Variants in TMEM132D observed in about 807,000 individuals in gnomAD.
TMEM132D encodes transmembrane protein 132D, also known as mature OL transmembrane protein.
In TMEM132D, 21 loss-of-function variants were observed where a neutral mutation model predicts 62.3. The ratio of observed to expected loss-of-function variants is 0.34; its 90% confidence interval spans 0.24 to 0.49. TMEM132D has a LOEUF of 0.49. Ranked by LOEUF, TMEM132D falls within the 20% of genes least tolerant of loss-of-function variation. The pLI is 0.99. For missense variants in TMEM132D, 1,346 were observed against 1,402.8 expected (o/e 0.96, Z 0.65); for synonymous variants, 621 against 575.6 (o/e 1.08, Z -1.13).
intron 3 of TMEM132D, among the ~76,000 whole-genome samples, chr12:129,453,534 T>C (rs1873370039): frequency 6.6e-6 from 1 of 152,152 alleles, no homozygotes; most frequent in Non-Finnish European, 1.5e-5. Flanking sequence ...TATACAGGGA[T>C]TTATTGACAT....
At position 129,072,153 on chromosome 12, in the gene TMEM132D, TGGAGAGGAAGCA is replaced by T. The variant is rs1874088121; in HGVS notation, c.*1710_*1721del. 1 of 136,730 alleles carries T rather than the reference TGGAGAGGAAGCA, an allele frequency of 7.3e-6. No individual in the cohort carries two copies. The highest frequency in any genetic ancestry group is 2.8e-5 in the African/African-American group (1 of 35,626). 8.5% of individuals were successfully genotyped at this position (136,730 alleles called of 1,614,324 possible). A position where few individuals can be genotyped will look rare whatever the true frequency, so the allele number is the denominator to read the frequency against. ...CACACTCAAAATTACAGAGATGAGA[TGGAGAGGAAGCA>T]GGGAGAAGATAGGTTCAAAGGAGGA... On this transcript the variant is annotated 3_prime_UTR_variant, in exon 9 of 9. Coordinates refer to ENST00000422113, the MANE Select transcript of TMEM132D (RefSeq NM_133448.3).
At chr12:129,285,831 T>C (rs1404586157) in intron 4 of TMEM132D, among the ~76,000 whole-genome samples, 1 of 152,176 alleles carries the variant, frequency 6.6e-6, no homozygotes, top group Non-Finnish European at 1.5e-5. Flanking sequence ...CCCCAGTAGT[T>C]TCTCCATTCC....
chr12:129,756,492 AAGT>A (rs1870172676), intron 1 of TMEM132D, among the ~76,000 whole-genome samples: 1 of 152,178 alleles, frequency 6.6e-6, no homozygotes, highest in Non-Finnish European at 1.5e-5. Flanking sequence ...TGCAGACAGA[AAGT>A]AGCATGGCAG....
intron 4 of TMEM132D, among the ~76,000 whole-genome samples, chr12:129,289,102 A>T (rs1178153646): frequency 2.0e-5 from 3 of 152,076 alleles, no homozygotes; most frequent in Admixed American, 6.5e-5. Flanking sequence ...GGATGGGGGT[A>T]TCGGGGGGAA....
At chr12:129,896,837 G>A in intron 1 of TMEM132D, among the ~76,000 whole-genome samples, 1 of 152,080 alleles carries the variant, frequency 6.6e-6, no homozygotes. Context: ...CTTAAGGGAG[G>A]AGAAGTGGCT....
intron 1 of TMEM132D, among the ~76,000 whole-genome samples, chr12:129,797,283 T>A (rs1303096319): frequency 1.3e-5 from 2 of 152,210 alleles, no homozygotes. Flanking sequence ...CAGTTACCTG[T>A]TTCCTGTGAA....
rs372303626 is a variant in TMEM132D at position 129,112,389 on chromosome 12, C to T, written c.1444-27687G>A. On this transcript the variant is annotated intron_variant, in intron 5 of 8. Coordinates refer to ENST00000422113, the MANE Select transcript of TMEM132D (RefSeq NM_133448.3). ...TTAATTAAAATTAAGTGGCCGGGCACGGTGGCTCACGCCTGTAATCCCAGC... is the reference window on the plus strand; with the variant it reads ...TTAATTAAAATTAAGTGGCCGGGCATGGTGGCTCACGCCTGTAATCCCAGC... 7.9e-5 allele frequency among the ~76,000 whole-genome samples: 12 copies of T among 152,304 alleles called. No homozygotes were observed. In the East Asian group the frequency reaches 9.6e-4, roughly 12 times the overall value.
chr12:129,558,628 G>A (rs117971098), intron 2 of TMEM132D, among the ~76,000 whole-genome samples: 3 of 152,248 alleles, frequency 2.0e-5, no homozygotes, highest in East Asian at 1.9e-4. Flanking sequence ...AGGACCACAC[G>A]GGAAAAGGGA....
chr12:129,690,415 G>C (rs1198963399), intron 2 of TMEM132D, among the ~76,000 whole-genome samples: 3 of 152,052 alleles, frequency 2.0e-5, no homozygotes, highest in Non-Finnish European at 4.4e-5. Context: ...TGTCAAAGTA[G>C]ATTAAAAAAC....
intron 4 of TMEM132D, among the ~76,000 whole-genome samples, chr12:129,224,599 G>A (rs1879432167): frequency 6.6e-6 from 1 of 152,118 alleles, no homozygotes; most frequent in African/African-American, 2.4e-5. Flanking sequence ...TACTAGTGGA[G>A]CTTGCTATTA....
At chr12:129,118,965 A>G (rs1379120635) in intron 5 of TMEM132D, among the ~76,000 whole-genome samples, 5 of 152,192 alleles carry the variant, frequency 3.3e-5, no homozygotes, top group Non-Finnish European at 5.9e-5. Flanking sequence ...TGATGCTCTG[A>G]CAAATGGAGT....
intron 1 of TMEM132D, among the ~76,000 whole-genome samples, chr12:129,894,748 T>C (rs934382489): frequency 7.0e-6 from 1 of 142,428 alleles, no homozygotes; most frequent in African/African-American, 3.1e-5. Context: ...TAGTTTCTCT[T>C]TTTTTTTTCC....
At chr12:129,193,668 T>G (rs1189567552) in intron 5 of TMEM132D, among the ~76,000 whole-genome samples, 1 of 152,272 alleles carries the variant, frequency 6.6e-6, no homozygotes, top group Non-Finnish European at 1.5e-5. Flanking sequence ...TCATTGGATG[T>G]TCATCAATTT....
Position 129,505,816 on chromosome 12 carries a change from G to A in TMEM132D, c.1115+25243C>T, listed in dbSNP as rs138242851. On this transcript the variant is annotated intron_variant, in intron 3 of 8. Coordinates refer to ENST00000422113, the MANE Select transcript of TMEM132D (RefSeq NM_133448.3). ...TTAAACTGCTGTTGCTTTAAAGTTT[G>A]TTTCATCTGATACAAGAATAACTAC... Among the ~76,000 whole-genome samples, 802 of 152,230 alleles carry A rather than the reference G, an allele frequency of 5.3e-3. 7 individuals carry two copies. Among genetic ancestry groups the A allele is most frequent in the African/African-American group, 0.019 (769 of 41,544 alleles).
chr12:129,351,537 C>T (rs117149372), intron 3 of TMEM132D, among the ~76,000 whole-genome samples: 184 of 152,184 alleles, frequency 1.2e-3, no homozygotes, highest in Non-Finnish European at 2.3e-3. Context: ...TGATCGAAGC[C>T]GAATGTTGTG....
chr12:129,766,242 A>G (rs911241049), intron 1 of TMEM132D, among the ~76,000 whole-genome samples: 6 of 17,804 alleles, frequency 3.4e-4, no homozygotes, highest in African/African-American at 4.4e-4. Context: ...GTTTTTAGCT[A>G]CTACTACTTA....
chr12:129,304,281 G>A (rs192430165), intron 4 of TMEM132D, among the ~76,000 whole-genome samples: 8 of 150,746 alleles, frequency 5.3e-5, no homozygotes, highest in East Asian at 3.9e-4. Context: ...TGGCCTGAGC[G>A]ATCCCATATC....
intron 2 of TMEM132D, among the ~76,000 whole-genome samples, chr12:129,631,809 C>A (rs1879352112): frequency 6.6e-6 from 1 of 152,086 alleles, no homozygotes; most frequent in South Asian, 2.1e-4. Flanking sequence ...AATTGGTGAG[C>A]CATTGGCATC....
At chr12:129,075,318 C>CTTT (rs541888959) in intron 8 of TMEM132D, among the ~76,000 whole-genome samples, 13,629 of 143,460 alleles carry the variant, frequency 0.095, 721 homozygotes, top group East Asian at 0.2. Flanking sequence ...AGAAGATTTG[C>CTTT]TTTTTTTTTT....
Sources: allele counts gnomAD v4.1 joint callset (sites outside exome capture counted in the v4.1 genomes callset), GRCh38; gene constraint gnomAD v4.1.1; transcripts MANE v1.5; gene names NCBI Gene and HGNC (gene_info 2026-07-23, HGNC 2026-07-21).